ANO4: variants seen among roughly 807,000 people sequenced by gnomAD.
The protein encoded by ANO4 is anoctamin 4.
ANO4 carries 69 observed loss-of-function variants against 141.9 expected under a neutral mutation model. The observed-to-expected ratio is 0.49, with a 90% CI of 0.40 to 0.59. The LOEUF is 0.59. Ranked by LOEUF, ANO4 falls within the 20% of genes least tolerant of loss-of-function variation. The pLI is 0.00. For synonymous variants in ANO4, 350 were observed against 394.3 expected (o/e 0.89, Z 1.33); for missense variants, 894 against 1,162.2 (o/e 0.77, Z 3.36).
chr12:100,730,722 G>C (rs1250827587), intron 1 of ANO4, among the ~76,000 whole-genome samples: 1 of 152,120 alleles, frequency 6.6e-6, no homozygotes, highest in Non-Finnish European at 1.5e-5. Context: ...TTGGAGGTGT[G>C]GCTAGCTGTT....
chr12:100,937,815 C>T (rs1373886520), intron 3 of ANO4, among the ~76,000 whole-genome samples: 1 of 152,140 alleles, frequency 6.6e-6, no homozygotes, highest in Non-Finnish European at 1.5e-5. Context: ...TGGCTCGTGG[C>T]CGCATCCTGT....
Position 101,071,999 on chromosome 12 carries a change from A to G in ANO4, c.1313-7194A>G, listed in dbSNP as rs1434617350. ...AGTAACTCAGTGTTTTTTCCTCCCT[A>G]TTTGCAGAATGTTAACCATTGCTAT... On this transcript the variant is annotated intron_variant, in intron 14 of 27. Transcript: ENST00000392977. Among the ~76,000 whole-genome samples the G allele has an allele frequency of 4.6e-5, 7 of 152,110 alleles. No individual in the cohort carries two copies. In the East Asian group the frequency reaches 1.3e-3, roughly 29 times the overall value.
intron 3 of ANO4, among the ~76,000 whole-genome samples, chr12:100,773,357 G>A (rs2033375639): frequency 6.6e-6 from 1 of 152,196 alleles, no homozygotes; most frequent in Non-Finnish European, 1.5e-5. Flanking sequence ...GAGTGTCCTA[G>A]ATATTTGTGT....
chr12:100,752,964 G>A (rs1460848502), intron 3 of ANO4, among the ~76,000 whole-genome samples: 1 of 152,182 alleles, frequency 6.6e-6, no homozygotes, highest in African/African-American at 2.4e-5. Flanking sequence ...CAGTATCTTG[G>A]AGTTGGCTGG....
intron 5 of ANO4, among the ~76,000 whole-genome samples, chr12:100,962,342 G>A (rs1014535771): frequency 6.6e-6 from 1 of 152,206 alleles, no homozygotes; most frequent in Admixed American, 6.5e-5. Context: ...GTGGAGAAGT[G>A]TACAGTCTCA....
At chr12:101,066,968 C>A in intron 14 of ANO4, 5 of 599,080 alleles carry the variant, frequency 8.3e-6, no homozygotes, top group South Asian at 1.6e-5. Flanking sequence ...ACATGACACT[C>A]TTCATGTACC....
chr12:101,099,431 T>C (rs1371912267), intron 21 of ANO4, 147 bp from the exon 22 acceptor site: 1 of 696,362 alleles, frequency 1.4e-6, no homozygotes, highest in African/African-American at 1.8e-5. Context: ...CATTGTTATT[T>C]TCTTCCTAAC....
intron 8 of ANO4, among the ~76,000 whole-genome samples, chr12:100,997,856 C>T (rs2045460641): frequency 6.6e-6 from 1 of 152,262 alleles, no homozygotes. Flanking sequence ...CCCTGGTAAC[C>T]TCTTTATCAC....
At chr12:100,774,961 T>G (rs1469512431) in intron 3 of ANO4, among the ~76,000 whole-genome samples, 2 of 152,224 alleles carry the variant, frequency 1.3e-5, no homozygotes, top group Non-Finnish European at 2.9e-5. Context: ...TTATGCAAAC[T>G]GTATTTCAGT....
At chr12:100,760,564 C>T (rs2032808788) in intron 3 of ANO4, among the ~76,000 whole-genome samples, 1 of 152,152 alleles carries the variant, frequency 6.6e-6, no homozygotes, top group Non-Finnish European at 1.5e-5. Context: ...AAGACTTTTC[C>T]TGTTTTAAAA....
intron 1 of ANO4, among the ~76,000 whole-genome samples, chr12:100,718,370 C>G (rs948581567): frequency 6.6e-6 from 1 of 152,186 alleles, no homozygotes; most frequent in African/African-American, 2.4e-5. Flanking sequence ...AAGTAGACCT[C>G]CCTCCCTTCC....
At chr12:100,903,992 C>T (rs1400490051) in intron 2 of ANO4, among the ~76,000 whole-genome samples, 2 of 152,182 alleles carry the variant, frequency 1.3e-5, no homozygotes, top group African/African-American at 4.8e-5. Context: ...TCCTGCTGTT[C>T]TTTCTTCCCA....
chr12:100,937,107 T>C (rs529711981), intron 3 of ANO4, among the ~76,000 whole-genome samples: 1 of 152,296 alleles, frequency 6.6e-6, no homozygotes, highest in Admixed American at 6.5e-5. Context: ...GAAAACCATA[T>C]GCCAAGTCCC....
chr12:101,094,884 G>A (rs191539629), intron 18 of ANO4, among the ~76,000 whole-genome samples: 1 of 152,276 alleles, frequency 6.6e-6, no homozygotes, highest in Admixed American at 6.5e-5. Context: ...CTACTCCAGA[G>A]GCTGAGGCAG....
At chr12:100,858,144 A>G (rs1166127660) in intron 1 of ANO4, among the ~76,000 whole-genome samples, 1 of 151,724 alleles carries the variant, frequency 6.6e-6, no homozygotes, top group Non-Finnish European at 1.5e-5. Flanking sequence ...ATGTCTGAGA[A>G]ATGCATTGTT....
Position 101,083,709 on chromosome 12 carries a change from A to G in ANO4, c.1427A>G (p.Tyr476Cys). The change falls in exon 16 of 28, where the codon TAT becomes TGT. Residue 476 changes from tyrosine (Y) to cysteine (C), a missense_variant. Around this residue, in one of 2 missense-constraint regions of ANO4, gnomAD observed 637 missense variants for 909.2 expected, o/e 0.70. Transcript: ENST00000392977. ...EEIRPQFEAK[Y>C]SKKERMNPIS... ...ATACGACCCCAGTTTGAAGCCAAGT[A>G]TTCCAAGAAAGAGCGGATGAATCCA... 1 of 1,608,916 alleles carries G rather than the reference A, an allele frequency of 6.2e-7. No individual in the cohort carries two copies.
At chr12:101,093,214 T>A (rs946181128) in intron 17 of ANO4, among the ~76,000 whole-genome samples, 3 of 152,158 alleles carry the variant, frequency 2.0e-5, no homozygotes, top group Non-Finnish European at 4.4e-5. Flanking sequence ...AAGTTTGGAG[T>A]CATACATACA....
At chr12:100,744,334 GA>G (rs1051413785) in intron 3 of ANO4, among the ~76,000 whole-genome samples, 22 of 151,824 alleles carry the variant, frequency 1.4e-4, no homozygotes, top group African/African-American at 2.4e-4. Context: ...TCACAGAAAA[GA>G]AAAAAAAGAG....
intron 17 of ANO4, among the ~76,000 whole-genome samples, chr12:101,091,185 A>G (rs1211743425): frequency 3.9e-5 from 6 of 152,214 alleles, no homozygotes; most frequent in African/African-American, 1.4e-4. Context: ...CCAACATCAA[A>G]CTAGAATAAC....
Sources: allele counts gnomAD v4.1 joint callset (sites outside exome capture counted in the v4.1 genomes callset), GRCh38; gene constraint gnomAD v4.1.1; regional missense constraint gnomAD v4.1.1; transcripts MANE v1.5; gene names NCBI Gene and HGNC (gene_info 2026-07-23, HGNC 2026-07-21).